The following PDE4D variants were observed in gnomAD, a reference collection of about 807,000 sequenced individuals.
PDE4D encodes the protein 3',5'-cyclic-AMP phosphodiesterase 4D.
Under a neutral mutation model 87.4 loss-of-function variants are expected in PDE4D, and 24 were observed. The ratio of observed to expected loss-of-function variants is 0.27; its 90% CI spans 0.20 to 0.39. The LOEUF (loss-of-function observed/expected upper bound fraction) is 0.39, where lower values mean the gene tolerates loss of function less well. PDE4D is among the 10% of genes least tolerant of loss of function. The probability of loss-of-function intolerance (pLI) is 1.00; values close to 1 mark genes in which losing one functional copy is unlikely to be tolerated. For missense variants in PDE4D, 714 were observed against 1,041.0 expected (o/e 0.69, Z 4.32); for synonymous variants, 384 against 383.2 (o/e 1.00, Z -0.02).
At chr5:59,282,824 T>C (rs1048847125) in intron 1 of PDE4D, among the ~76,000 whole-genome samples, 8 of 152,162 alleles carry the variant, frequency 5.3e-5, no homozygotes, top group Admixed American at 2.0e-4. Flanking sequence ...AACATTTTTC[T>C]TGTACATATT....
intron 5 of PDE4D, among the ~76,000 whole-genome samples, chr5:59,125,871 T>C (rs1437279197): frequency 6.6e-6 from 1 of 152,006 alleles, no homozygotes; most frequent in Non-Finnish European, 1.5e-5. Context: ...AGTGTTAAAG[T>C]CAAAGTCAGT....
chr5:59,180,435 C>T, intron 5 of PDE4D, 160 bp downstream of exon 5: 1 of 734,634 alleles, frequency 1.4e-6, no homozygotes, highest in South Asian at 1.5e-5. Context: ...ACAGCTTAGA[C>T]AATTTGTGAG....
intron 1 of PDE4D, among the ~76,000 whole-genome samples, chr5:59,856,920 C>T (rs1745529231): frequency 6.6e-6 from 1 of 151,958 alleles, no homozygotes; most frequent in African/African-American, 2.4e-5. Context: ...ACAACCCACC[C>T]ACTTGGTAAA....
intron 2 of PDE4D, among the ~76,000 whole-genome samples, chr5:60,107,704 A>T: frequency 6.6e-6 from 1 of 152,236 alleles, no homozygotes; most frequent in Non-Finnish European, 1.5e-5. Flanking sequence ...CTGGTTCAAT[A>T]TACACAAATC....
At chr5:59,696,738 AG>A (rs1478373699) in intron 1 of PDE4D, among the ~76,000 whole-genome samples, 3 of 152,236 alleles carry the variant, frequency 2.0e-5, no homozygotes, top group African/African-American at 7.2e-5. Context: ...CTCATACTTT[AG>A]TCAAACTTGC....
At chr5:60,127,113 T>C (rs561005814) in intron 2 of PDE4D, among the ~76,000 whole-genome samples, 1 of 152,144 alleles carries the variant, frequency 6.6e-6, no homozygotes, top group East Asian at 1.9e-4. Context: ...AAGCATGTGT[T>C]CCTGGCAGAG....
intron 1 of PDE4D, among the ~76,000 whole-genome samples, chr5:59,716,537 T>TA (rs1433464339): frequency 1.3e-5 from 2 of 152,218 alleles, no homozygotes; most frequent in Admixed American, 6.5e-5. Context: ...GAGCATCGTA[T>TA]AGGGAAGTTG....
At chr5:60,501,408 C>T (rs2150246241) in intron 1 of PDE4D, among the ~76,000 whole-genome samples, 1 of 151,944 alleles carries the variant, frequency 6.6e-6, no homozygotes, top group African/African-American at 2.4e-5. Context: ...CATTGTTGGA[C>T]ATTTGGGTTG....
chr5:60,171,307 T>G (rs1231841578), intron 2 of PDE4D, among the ~76,000 whole-genome samples: 2 of 152,038 alleles, frequency 1.3e-5, no homozygotes, highest in Non-Finnish European at 2.9e-5. Context: ...CCTAAAATTA[T>G]ACTGTTCTGA....
intron 11 of PDE4D, among the ~76,000 whole-genome samples, chr5:58,985,116 T>G (rs1408780177): frequency 6.6e-6 from 1 of 152,134 alleles, no homozygotes; most frequent in Non-Finnish European, 1.5e-5. Flanking sequence ...GGTTTCACCT[T>G]GTTGGCCAGG....
chr5:59,620,753 G>C (rs1455124616), intron 1 of PDE4D, among the ~76,000 whole-genome samples: 1 of 152,138 alleles, frequency 6.6e-6, no homozygotes, highest in Non-Finnish European at 1.5e-5. Flanking sequence ...GAACTCAGCT[G>C]TCTGTTTTGT....
intron 6 of PDE4D, among the ~76,000 whole-genome samples, chr5:59,032,006 G>A (rs1757638866): frequency 8.7e-6 from 1 of 114,638 alleles, no homozygotes; most frequent in Non-Finnish European, 2.1e-5. Flanking sequence ...GGAGGAATAA[G>A]TTTTAGTGAT....
intron 1 of PDE4D, among the ~76,000 whole-genome samples, chr5:60,248,084 C>T (rs1184216654): frequency 3.3e-5 from 5 of 151,938 alleles, no homozygotes; most frequent in East Asian, 3.9e-4. Flanking sequence ...GGTGGTGCTA[C>T]GTGCTGTGAA....
intron 3 of PDE4D, among the ~76,000 whole-genome samples, chr5:59,917,626 C>A (rs2152775876): frequency 6.6e-6 from 1 of 152,224 alleles, no homozygotes; most frequent in Admixed American, 6.5e-5. Flanking sequence ...TCTAACATAG[C>A]CCTGAATATT....
chr5:59,691,377 A>C (rs1474322076), intron 1 of PDE4D, among the ~76,000 whole-genome samples: 4 of 152,124 alleles, frequency 2.6e-5, no homozygotes, highest in African/African-American at 9.7e-5. Flanking sequence ...ACACCATGGA[A>C]TACTATGCAG....
chr5:60,510,471 T>C (rs1050371440), intron 1 of PDE4D, among the ~76,000 whole-genome samples: 1 of 152,210 alleles, frequency 6.6e-6, no homozygotes, highest in Admixed American at 6.5e-5. Context: ...GTTTCTCTTA[T>C]ATCTTAAAGA....
chr5:59,729,637 C>T (rs1383272643), intron 1 of PDE4D, among the ~76,000 whole-genome samples: 2 of 151,142 alleles, frequency 1.3e-5, no homozygotes, highest in South Asian at 2.1e-4. Context: ...TTTTTTTTCA[C>T]TTAGTATATT....
intron 1 of PDE4D, among the ~76,000 whole-genome samples, chr5:60,244,773 A>C (rs1245693710): frequency 2.0e-5 from 3 of 151,944 alleles, no homozygotes; most frequent in Admixed American, 2.0e-4. Flanking sequence ...CCCAATCCCT[A>C]TCTCTCACCA....
At chr5:60,375,894 C>T (rs957370868) in intron 1 of PDE4D, among the ~76,000 whole-genome samples, 10 of 152,130 alleles carry the variant, frequency 6.6e-5, no homozygotes, top group African/African-American at 2.4e-4. Flanking sequence ...CAACAATTAG[C>T]TGGGTGTGGT....
Sources: gnomAD v4.1 joint callset for allele counts (sites outside exome capture counted in the v4.1 genomes callset) on GRCh38, gnomAD v4.1.1 for gene constraint, MANE v1.5 for transcripts, NCBI Gene and HGNC (gene_info 2026-07-23, HGNC 2026-07-21) for gene names.